The following KRT80 variants were observed in gnomAD, a reference collection of about 807,000 sequenced individuals.
KRT80 encodes the protein keratin 80, also known as keratin, type II cytoskeletal 80.
In KRT80, 36 loss-of-function variants were observed where a neutral mutation model predicts 51.5. That is an observed-to-expected ratio of 0.70 (90% CI 0.54 to 0.92). The LOEUF is 0.92. Ranked by LOEUF, KRT80 falls within the 40% of genes least tolerant of loss-of-function variation. The pLI, the probability that KRT80 is intolerant of heterozygous loss-of-function variation, is 0.00. For missense variants in KRT80, 566 were observed against 591.7 expected (o/e 0.96, Z 0.45); for synonymous variants, 235 against 248.3 (o/e 0.95, Z 0.50).
At chr12:52,181,652 C>T (rs1210737560) in intron 2 of KRT80, among the ~76,000 whole-genome samples, 1 of 152,244 alleles carries the variant, frequency 6.6e-6, no homozygotes, top group Admixed American at 6.5e-5. Context: ...ATAGGCCATA[C>T]TCAACAAAGC....
intron 6 of KRT80, 62 bp from the exon 7 acceptor site, chr12:52,172,480 C>A: frequency 6.8e-7 from 1 of 1,477,420 alleles, no homozygotes; most frequent in South Asian, 1.3e-5. Flanking sequence ...CGGGCCAGGG[C>A]CAGGAGTCGT....
intron 4 of KRT80, among the ~76,000 whole-genome samples, chr12:52,180,208 C>A (rs546471239): frequency 6.6e-6 from 1 of 152,320 alleles, no homozygotes; most frequent in Admixed American, 6.5e-5. Flanking sequence ...GCCTCCTGAC[C>A]CTTGTCCGAG....
At position 52,171,389 on chromosome 12, in the gene KRT80, C is replaced by A; in HGVS notation, c.*9G>T. 1 of 1,567,780 alleles carries A rather than the reference C, an allele frequency of 6.4e-7. No homozygotes were observed. The highest frequency in any genetic ancestry group is 8.6e-7 in the Non-Finnish European group (1 of 1,157,002). The stretch of plus-strand genomic sequence containing the variant: ...TGGAGTGCCCTGGGGTTCCTGGGGT[C>A]CAGCCGCCTTACTCTGAGACCTCCG... On this transcript the variant is annotated 3_prime_UTR_variant, in exon 9 of 9. Transcript: ENST00000394815.
chr12:52,180,375 T>G, intron 4 of KRT80, 138 bp downstream of exon 4: 1 of 537,084 alleles, frequency 1.9e-6, no homozygotes, highest in Non-Finnish European at 3.2e-6. Flanking sequence ...GTTTAGGAAA[T>G]TATTATTCTG....
At chr12:52,183,483 C>G (rs1450946767) in intron 2 of KRT80, among the ~76,000 whole-genome samples, 1 of 152,232 alleles carries the variant, frequency 6.6e-6, no homozygotes, top group Non-Finnish European at 1.5e-5. Context: ...CACAGTCAGG[C>G]TGTAGCTCCC....
At chr12:52,185,717 G>A in intron 1 of KRT80, 130 bp from the exon 2 acceptor site, 1 of 1,520,536 alleles carries the variant, frequency 6.6e-7, no homozygotes, top group Non-Finnish European at 8.8e-7. Context: ...ACCACCCAGG[G>A]CGCTCACTCA....
chr12:52,176,591 C>G (rs1275712139), intron 4 of KRT80, among the ~76,000 whole-genome samples: 2 of 151,928 alleles, frequency 1.3e-5, no homozygotes, highest in African/African-American at 4.8e-5. Flanking sequence ...AAGCAATTCT[C>G]CTGCCTCAGC....
intron 1 of KRT80, among the ~76,000 whole-genome samples, chr12:52,191,148 G>A (rs1941474486): frequency 6.6e-6 from 1 of 152,172 alleles, no homozygotes; most frequent in Admixed American, 6.5e-5. Flanking sequence ...TCTGACTGGG[G>A]CAGCTGAGAG....
At chr12:52,180,430 G>T in intron 4 of KRT80, 83 bp downstream of exon 4, 1 of 911,964 alleles carries the variant, frequency 1.1e-6, no homozygotes, top group Non-Finnish European at 1.6e-6. Flanking sequence ...ATGCCCCACT[G>T]GATGGCTGTG....
intron 2 of KRT80, 73 bp downstream of exon 2, chr12:52,185,306 G>C: frequency 7.1e-7 from 1 of 1,401,844 alleles, no homozygotes; most frequent in South Asian, 1.3e-5. Flanking sequence ...TCTGGCTTAA[G>C]TGCCTCCCAT....
At position 52,171,438 on chromosome 12, in the gene KRT80, G is replaced by C. The variant is rs1429151239; in HGVS notation, c.1319C>G (p.Ser440Ter). 6.2e-7 allele frequency: 1 copy of C among 1,612,104 alleles called. No individual in the cohort carries two copies. Among genetic ancestry groups the C allele is most frequent in the Non-Finnish European group, 8.5e-7 (1 of 1,179,070 alleles). Residue 440 changes from serine to a stop codon, truncating the protein, a stop_gained, in exon 9 of 9, where the codon TCA becomes TGA. Transcript: ENST00000394815. LOFTEE classifies it high-confidence loss of function. ...KGPVIKITEM[S>*]EKYFSQESEV... ...CGACTCCTGCGAGAAGTACTTCTCT[G>C]ACATTTCGGTGATTTTGATCACGGG...
intron 4 of KRT80, among the ~76,000 whole-genome samples, chr12:52,177,635 CTGTGTGTGTGTGTG>C (rs34730614): frequency 1.4e-5 from 2 of 148,114 alleles, no homozygotes; most frequent in African/African-American, 4.9e-5. Context: ...TGTATCTTGG[CTGTGTGTGTGTGTG>C]TGTGTGTGTG....
At chr12:52,191,524 T>A (rs1941480562) in intron 1 of KRT80, 79 bp downstream of exon 1, 3 of 1,383,960 alleles carry the variant, frequency 2.2e-6, no homozygotes, top group Non-Finnish European at 3.0e-6. Flanking sequence ...CGGTGATCGA[T>A]GCTCAGGGAA....
chr12:52,172,562 T>G, intron 6 of KRT80, 144 bp from the exon 7 acceptor site: 2 of 724,880 alleles, frequency 2.8e-6, no homozygotes, highest in South Asian at 3.9e-5. Flanking sequence ...GGTAACTGGT[T>G]GCCATGCAGC....
chr12:52,188,900 C>T lies in KRT80; in HGVS notation c.300+2703G>A, dbSNP rs185763954. Among the ~76,000 whole-genome samples, 53 of 152,338 alleles carry T rather than the reference C, an allele frequency of 3.5e-4. 2 individuals are homozygous for T. The highest frequency in any genetic ancestry group is 1.6e-3 in the Admixed American group (25 of 15,306). On this transcript the variant is annotated intron_variant, in intron 1 of 8. Transcript: ENST00000394815. ...CCCCTGGCCTCTCCTGCTGCTACTG[C>T]TTCTCCTCATCCCCCTTCATCTCAT... is the stretch of plus-strand genomic sequence containing the variant.
intron 1 of KRT80, among the ~76,000 whole-genome samples, chr12:52,191,173 C>G (rs1202974071): frequency 6.6e-6 from 1 of 152,170 alleles, no homozygotes; most frequent in Non-Finnish European, 1.5e-5. Flanking sequence ...GCTGTGGGAC[C>G]AGAGGCTTGA....
intron 4 of KRT80, among the ~76,000 whole-genome samples, chr12:52,177,649 G>GCA (rs1941252813): frequency 6.6e-6 from 1 of 151,806 alleles, no homozygotes; most frequent in Non-Finnish European, 1.5e-5. Context: ...GTGTGTGTGT[G>GCA]TGTGTGTGTG....
intron 1 of KRT80, among the ~76,000 whole-genome samples, chr12:52,186,867 G>GCTCCCCCTGCCTCCCTC (rs1941415899): frequency 6.6e-6 from 1 of 152,026 alleles, no homozygotes; most frequent in South Asian, 2.1e-4. Context: ...TCAGCTTGGG[G>GCTCCCCCTGCCTCCCTC]CTCCCCCTGC....
chr12:52,179,623 G>A (rs745834995), intron 4 of KRT80, among the ~76,000 whole-genome samples: 1 of 152,258 alleles, frequency 6.6e-6, no homozygotes, highest in Middle Eastern at 3.2e-3. Flanking sequence ...CCATGAAGCT[G>A]TGGTCAGCAG....
Sources: gnomAD v4.1 joint callset for allele counts (sites outside exome capture counted in the v4.1 genomes callset) on GRCh38, gnomAD v4.1.1 for gene constraint, MANE v1.5 for transcripts, NCBI Gene and HGNC (gene_info 2026-07-23, HGNC 2026-07-21) for gene names.